Variants in EDIL3 observed in about 807,000 individuals in gnomAD.
EDIL3 encodes EGF-like repeat and discoidin I-like domain-containing protein 3.
In EDIL3, 37 loss-of-function variants were observed where a neutral mutation model predicts 67.4. The ratio of observed to expected loss-of-function variants is 0.55; its 90% CI spans 0.42 to 0.72. The LOEUF (loss-of-function observed/expected upper bound fraction) is 0.72, where lower values mean the gene tolerates loss of function less well. Among genes scored for constraint, EDIL3 ranks in the 30% least tolerant of loss-of-function variants. The pLI is 0.00. For missense variants in EDIL3, 527 were observed against 586.3 expected (o/e 0.90, Z 1.04); for synonymous variants, 195 against 196.3 (o/e 0.99, Z 0.05).
At chr5:84,104,816 T>C (rs1489874020) in intron 6 of EDIL3, among the ~76,000 whole-genome samples, 1 of 152,062 alleles carries the variant, frequency 6.6e-6, no homozygotes, top group Non-Finnish European at 1.5e-5. Context: ...TGCATAGTGT[T>C]AAGTAGGCAA....
intron 1 of EDIL3, among the ~76,000 whole-genome samples, chr5:84,363,680 C>T (rs1415221406): frequency 6.6e-6 from 1 of 152,028 alleles, no homozygotes; most frequent in African/African-American, 2.4e-5. Flanking sequence ...GTCACAGAAA[C>T]ATAGCAAGAG....
chr5:84,301,236 C>T (rs1746154434), intron 1 of EDIL3, among the ~76,000 whole-genome samples: 1 of 150,768 alleles, frequency 6.6e-6, no homozygotes, highest in Non-Finnish European at 1.5e-5. Flanking sequence ...CCATTGCACT[C>T]CAGCCTGGGC....
intron 4 of EDIL3, among the ~76,000 whole-genome samples, chr5:84,176,720 T>G (rs539092719): frequency 4.8e-5 from 7 of 146,896 alleles, no homozygotes; most frequent in Non-Finnish European, 8.9e-5. Flanking sequence ...CATTCTATAA[T>G]TTACACACAC....
intron 10 of EDIL3, among the ~76,000 whole-genome samples, chr5:83,947,449 C>G (rs1407423454): frequency 6.6e-6 from 1 of 150,712 alleles, no homozygotes; most frequent in African/African-American, 2.4e-5. Context: ...ATTTAACATA[C>G]ATAATTTCAA....
At chr5:84,303,965 A>G in intron 1 of EDIL3, among the ~76,000 whole-genome samples, 1 of 152,096 alleles carries the variant, frequency 6.6e-6, no homozygotes, top group African/African-American at 2.4e-5. Flanking sequence ...ATTCTACAAT[A>G]TATTGCGAGA....
chr5:84,041,145 A>C (rs2112213574), intron 9 of EDIL3, among the ~76,000 whole-genome samples: 1 of 152,000 alleles, frequency 6.6e-6, no homozygotes, highest in Non-Finnish European at 1.5e-5. Context: ...TAAAAAAAAA[A>C]AACACAAAAC....
intron 4 of EDIL3, among the ~76,000 whole-genome samples, chr5:84,146,299 G>A (rs763080563): frequency 6.6e-6 from 1 of 152,066 alleles, no homozygotes; most frequent in Admixed American, 6.6e-5. Flanking sequence ...GTTGCCCAGA[G>A]TCACACAGGT....
intron 4 of EDIL3, among the ~76,000 whole-genome samples, chr5:84,172,736 C>G (rs1371365780): frequency 1.3e-5 from 2 of 152,178 alleles, no homozygotes; most frequent in African/African-American, 4.8e-5. Context: ...TTGGTAGATA[C>G]ACCTGATAGC....
rs1744233022 is a variant in EDIL3, at chr5:83,942,087, T to C, written c.*1332A>G. 1 of 152,046 alleles carries C rather than the reference T, an allele frequency of 6.6e-6. No individual in the cohort carries two copies. Among genetic ancestry groups the C allele is most frequent in the Non-Finnish European group, 1.5e-5 (1 of 67,950 alleles). The allele number at this position is 152,046 out of a possible 1,614,324, so 9.4% of individuals were successfully genotyped here. ...TTCTGTCTAAGCCTTATAAAATAAA[T>C]ACTTGTAAAGCTTATAAATTAGATG... On this transcript the variant is annotated 3_prime_UTR_variant, in exon 11 of 11. Transcript: ENST00000296591.
At chr5:84,090,995 A>G (rs1406026987) in intron 6 of EDIL3, among the ~76,000 whole-genome samples, 2 of 152,024 alleles carry the variant, frequency 1.3e-5, no homozygotes, top group Non-Finnish European at 2.9e-5. Context: ...TTTATGGGAT[A>G]TAACAGTTAC....
chr5:83,975,140 T>C (rs965945799), intron 9 of EDIL3, among the ~76,000 whole-genome samples: 2 of 152,046 alleles, frequency 1.3e-5, no homozygotes, highest in Non-Finnish European at 1.5e-5. Context: ...ATAACTTTCA[T>C]AAAATATTTT....
chr5:83,985,909 C>A (rs1745050980), intron 9 of EDIL3, among the ~76,000 whole-genome samples: 1 of 151,816 alleles, frequency 6.6e-6, no homozygotes, highest in African/African-American at 2.4e-5. Context: ...TTCCAACTTG[C>A]TTTGGGTCAT....
At chr5:83,975,057 G>A (rs1054050797) in intron 9 of EDIL3, among the ~76,000 whole-genome samples, 1 of 152,040 alleles carries the variant, frequency 6.6e-6, no homozygotes, top group African/African-American at 2.4e-5. Flanking sequence ...GATGTGGCCT[G>A]AGTATTTCTA....
intron 6 of EDIL3, among the ~76,000 whole-genome samples, chr5:84,086,197 C>A (rs199962535): frequency 6.6e-6 from 1 of 152,140 alleles, no homozygotes; most frequent in African/African-American, 2.4e-5. Context: ...GGATTCCAGG[C>A]ACCGCTAGGG....
intron 1 of EDIL3, among the ~76,000 whole-genome samples, chr5:84,381,218 G>A (rs958441674): frequency 3.9e-5 from 6 of 151,950 alleles, no homozygotes; most frequent in African/African-American, 1.4e-4. Context: ...GGAAAAATCA[G>A]AAAAACATTT....
At chr5:84,259,332 T>C (rs1745182466) in intron 1 of EDIL3, among the ~76,000 whole-genome samples, 1 of 152,276 alleles carries the variant, frequency 6.6e-6, no homozygotes, top group Non-Finnish European at 1.5e-5. Flanking sequence ...CAGGGCAATA[T>C]AAGATTTCAT....
At chr5:84,024,727 A>T (rs993501470) in intron 9 of EDIL3, among the ~76,000 whole-genome samples, 3 of 152,154 alleles carry the variant, frequency 2.0e-5, no homozygotes, top group African/African-American at 7.2e-5. Flanking sequence ...ACAACATGAA[A>T]TATCAAAATA....
At chr5:84,272,528 T>C (rs977852255) in intron 1 of EDIL3, among the ~76,000 whole-genome samples, 1 of 152,038 alleles carries the variant, frequency 6.6e-6, no homozygotes, top group Admixed American at 6.5e-5. Context: ...TATGTGTAGG[T>C]ATATATATGC....
intron 1 of EDIL3, among the ~76,000 whole-genome samples, chr5:84,303,806 C>CTGTGTG (rs1268139374): frequency 3.9e-5 from 4 of 101,420 alleles, no homozygotes; most frequent in Admixed American, 9.7e-5. Context: ...CTCTCTCTCT[C>CTGTGTG]TCTGTGTGTG....
Sources: gnomAD v4.1 joint callset for allele counts (sites outside exome capture counted in the v4.1 genomes callset) on GRCh38, gnomAD v4.1.1 for gene constraint, MANE v1.5 for transcripts, NCBI Gene and HGNC (gene_info 2026-07-23, HGNC 2026-07-21) for gene names.